The following ANKRD35 variants were observed in gnomAD, a reference collection of about 807,000 sequenced individuals.
ANKRD35 encodes the protein ankyrin repeat domain 35.
Under a neutral mutation model 109.9 loss-of-function variants are expected in ANKRD35, and 102 were observed. The observed-to-expected ratio is 0.93, with a 90% CI of 0.79 to 1.09. The LOEUF (loss-of-function observed/expected upper bound fraction) is 1.09, where lower values mean the gene tolerates loss of function less well. Among genes scored for constraint, ANKRD35 ranks in the 50% least tolerant of loss-of-function variants. ANKRD35 has a pLI of 0.00. For synonymous variants in ANKRD35, 515 were observed against 512.4 expected, an observed-to-expected ratio of 1.01 and a Z score of -0.07; for missense variants, 1,240 against 1,230.1, an observed-to-expected ratio of 1.01 and a Z score of -0.12.
chr1:145,872,480 CG>C lies in ANKRD35; in HGVS notation c.2288del (p.Pro763ArgfsTer9), dbSNP rs1653869045. ...TTAAGGAGGTGCCTGGCTCCCTACA[CG>C]GGGACAAGGACCCCCGCAACTGCTG... ...ENQQLRGSLSPCREPGTSLKA... is the reference protein window; with the variant it reads ...ENQQLRGSLSXCREPGTSLKA... On this transcript the variant is annotated frameshift_variant, in exon 10 of 14. Transcript: ENST00000355594. LOFTEE classifies it high-confidence loss of function. The C allele has an allele frequency of 6.3e-7, 1 of 1,596,716 alleles. No individual in the cohort carries two copies. Among genetic ancestry groups the C allele is most frequent in the Admixed American group, 1.8e-5 (1 of 56,048 alleles).
chr1:145,880,832 A>C (rs1419048271), intron 1 of ANKRD35, among the ~76,000 whole-genome samples: 1 of 152,232 alleles, frequency 6.6e-6, no homozygotes, highest in African/African-American at 2.4e-5. Context: ...AGAAGTTGTA[A>C]CTTCTCACAG....
chr1:145,872,664 C>G lies in ANKRD35; in HGVS notation c.2105G>C (p.Arg702Pro). 1 of 1,614,112 alleles carries G rather than the reference C, an allele frequency of 6.2e-7. No individual in the cohort carries two copies. The highest frequency in any genetic ancestry group is 8.5e-7 in the Non-Finnish European group (1 of 1,180,006). The change falls in exon 10 of 14, where the codon CGA becomes CCA. Residue 702 changes from arginine to proline, a missense_variant. Physicochemically the swap from Arg to Pro is moderately radical, Grantham distance 103. Transcript: ENST00000355594. ...TGCGGGCAGGCAGTCCCACAGCCCT[C>G]GGAGACCGCTGCTCTGGGAGGCCAG... ...KLLASQSSGL[R>P]GLWDCLPADL... is the part of the protein sequence containing the mutation.
chr1:145,883,614 G>T (rs997302936), intron 1 of ANKRD35, among the ~76,000 whole-genome samples: 4 of 152,218 alleles, frequency 2.6e-5, no homozygotes, highest in African/African-American at 9.6e-5. Flanking sequence ...GACAGTGCAG[G>T]GCTCTGGCCC....
At position 145,873,670 on chromosome 1, in the gene ANKRD35, C is replaced by A. The variant is rs782334253; in HGVS notation, c.1099G>T (p.Asp367Tyr). The A allele has an allele frequency of 6.2e-7, 1 of 1,614,028 alleles. No individual in the cohort carries two copies. Among genetic ancestry groups the A allele is most frequent in the African/African-American group, 1.3e-5 (1 of 74,930 alleles). The change falls in exon 10 of 14, where the codon GAT becomes TAT. Residue 367 changes from aspartate (D) to tyrosine (Y), a missense_variant. Transcript: ENST00000355594. ...TTAGGACAACCCTGCTCCATGCCAT[C>A]CCCTCCAGGCCGGAGACTAGAGCCT... is the stretch of plus-strand genomic sequence containing the variant. The part of the protein sequence containing the change: ...KQGSSLRPGG[D>Y]GMEQGCPKDL...
chr1:145,880,002 G>GC (rs1654229647), intron 1 of ANKRD35, among the ~76,000 whole-genome samples: 2 of 152,096 alleles, frequency 1.3e-5, no homozygotes, highest in Non-Finnish European at 2.9e-5. Flanking sequence ...TCATATCTAG[G>GC]CCCTTTGGCG....
In ANKRD35 at chr1:145,872,101, CG is replaced by C. The variant is rs1559172373; in HGVS notation, c.2667del (p.Glu890AsnfsTer23). Reference sequence around the variant, plus strand: ...ATCTCGCTGGCCTGGCGCTCTTGTTCGGCTGCCTGAGCGGCCAGGTCCCCGC... The same window carrying C: ...ATCTCGCTGGCCTGGCGCTCTTGTTCGCTGCCTGAGCGGCCAGGTCCCCGC... ...RRSGDLAAQA[A>X]EQERQASEMR... is the part of the protein sequence containing the mutation. On this transcript the variant is annotated frameshift_variant, in exon 10 of 14. Coordinates refer to ENST00000355594, the MANE Select transcript of ANKRD35 (RefSeq NM_144698.5). LOFTEE classifies it high-confidence loss of function. 1 of 1,612,942 alleles carries C rather than the reference CG, an allele frequency of 6.2e-7. No individual in the cohort carries two copies. The highest frequency in any genetic ancestry group is 1.7e-5 in the Admixed American group (1 of 59,958).
chr1:145,883,076 A>ATTTTT (rs34686883), intron 1 of ANKRD35, among the ~76,000 whole-genome samples: 7 of 83,424 alleles, frequency 8.4e-5, no homozygotes, highest in Non-Finnish European at 1.2e-4. Context: ...GACAGTACCA[A>ATTTTT]TTTTTTTTTT....
Position 145,871,153 on chromosome 1 carries a change from C to CTTT in ANKRD35, c.2787+826_2787+828dup, listed in dbSNP as rs59433424. 1.2e-3 allele frequency among the ~76,000 whole-genome samples: 93 copies of CTTT among 78,100 alleles called. 10 individuals carry two copies. The highest frequency in any genetic ancestry group is 1.9e-3 in the Non-Finnish European group (75 of 38,934). The allele number at this position is 78,100 out of a possible 152,430, so 51.2% of individuals were successfully genotyped here. The stretch of plus-strand genomic sequence containing the variant: ...TCTTTCTTTCTTTCTTTTCTTTTTT[C>CTTT]TTTTTTTTTTTTTTTTTTTTTTTTT... On this transcript the variant is annotated intron_variant, in intron 10 of 13. Transcript: ENST00000355594.
chr1:145,874,702 G>A (rs587736383), intron 8 of ANKRD35, 120 bp downstream of exon 8: 25 of 1,243,936 alleles, frequency 2.0e-5, no homozygotes, highest in East Asian at 1.6e-4. Context: ...CAATAAATAC[G>A]TAAACTCTCA....
chr1:145,872,578 C>G lies in ANKRD35; in HGVS notation c.2191G>C (p.Ala731Pro), dbSNP rs146166584. 1 of 1,611,914 alleles carries G rather than the reference C, an allele frequency of 6.2e-7. No homozygotes were observed. The highest frequency in any genetic ancestry group is 1.1e-5 in the South Asian group (1 of 90,834). The change falls in exon 10 of 14, where the codon GCC (alanine) becomes CCC (proline). Residue 731 changes from alanine (A) to proline (P), a missense_variant. Coordinates refer to ENST00000355594, the MANE Select transcript of ANKRD35 (RefSeq NM_144698.5). The stretch of plus-strand genomic sequence containing the variant: ...CGATCCACCAGGGTGCTGATGCAGG[C>G]CCGCAGCTCCTCCAGGGACTCCGCT... Reference protein sequence around the residue: ...KAAESLEELRACISTLVDRHR... With the variant: ...KAAESLEELRPCISTLVDRHR...
intron 1 of ANKRD35, among the ~76,000 whole-genome samples, chr1:145,881,616 G>A (rs1271049736): frequency 6.6e-6 from 1 of 152,196 alleles, no homozygotes; most frequent in Non-Finnish European, 1.5e-5. Flanking sequence ...CCACGACAGG[G>A]TGCTGCCATC....
Position 145,874,212 on chromosome 1 carries a change from G to A in ANKRD35, c.746-20C>T. 6.2e-7 allele frequency: 1 copy of A among 1,613,258 alleles called. No homozygotes were observed. The highest frequency in any genetic ancestry group is 8.5e-7 in the Non-Finnish European group (1 of 1,179,262). ...TCTGACCTATAAGAAAAGATATGAG[G>A]AAAATGAGAGAGAAGACAGGTTCCA... On this transcript the variant is annotated intron_variant, in intron 8 of 13. Transcript: ENST00000355594.
rs1653936153 is a variant in ANKRD35, at chr1:145,873,553, C to T, written c.1216G>A (p.Asp406Asn). 8.7e-6 allele frequency: 14 copies of T among 1,614,136 alleles called. No individual in the cohort carries two copies. The highest frequency in any genetic ancestry group is 1.2e-5 in the Non-Finnish European group (14 of 1,180,032). The change falls in exon 10 of 14, where the codon GAC becomes AAC. Residue 406 changes from aspartate (D) to asparagine (N), a missense_variant. By Grantham distance (23) the Asp-to-Asn change is conservative (BLOSUM62 1). Transcript: ENST00000355594. Reference protein sequence around the residue: ...NPVLAPKKAEDSAPGKIQYEV... With the variant: ...NPVLAPKKAENSAPGKIQYEV... ...TACTGGATCTTTCCTGGGGCTGAGT[C>T]CTCAGCCTTCTTTGGAGCTAATACT... is the stretch of plus-strand genomic sequence containing the variant.
intron 1 of ANKRD35, 28 bp from the exon 2 acceptor site, chr1:145,879,416 T>C (rs782406600): frequency 2.9e-5 from 44 of 1,502,696 alleles, no homozygotes; most frequent in Non-Finnish European, 3.8e-5. Context: ...GTTGTGTGAA[T>C]ATAGGGCATG....
At chr1:145,878,157 G>T (rs1347519600) in intron 3 of ANKRD35, 125 bp from the exon 4 acceptor site, 12 of 1,037,698 alleles carry the variant, frequency 1.2e-5, no homozygotes, top group Non-Finnish European at 1.6e-5. Flanking sequence ...CAGCCACACG[G>T]GGCCAGAAAT....
chr1:145,880,375 G>A (rs919213932), intron 1 of ANKRD35, among the ~76,000 whole-genome samples: 5 of 152,182 alleles, frequency 3.3e-5, no homozygotes, highest in Non-Finnish European at 7.3e-5. Flanking sequence ...CAAATATTTC[G>A]CTGGCTGGCC....
chr1:145,871,869 G>A, intron 10 of ANKRD35, 113 bp downstream of exon 10: 1 of 1,329,518 alleles, frequency 7.5e-7, no homozygotes, highest in Admixed American at 2.2e-5. Context: ...TGCTCCGTTT[G>A]GGGTATTAAT....
At chr1:145,879,825 CT>C (rs1211424366) in intron 1 of ANKRD35, among the ~76,000 whole-genome samples, 1 of 152,166 alleles carries the variant, frequency 6.6e-6, no homozygotes, top group African/African-American at 2.4e-5. Context: ...GCCTCCACCC[CT>C]GAAACCCTGC....
In ANKRD35 at chr1:145,873,255, T is replaced by G; in HGVS notation, c.1514A>C (p.Glu505Ala). 6.2e-7 allele frequency: 1 copy of G among 1,614,130 alleles called. No homozygotes were observed. The highest frequency in any genetic ancestry group is 8.5e-7 in the Non-Finnish European group (1 of 1,179,998). ...CAAAGCCCCCCGGGCAGCATCCTTT[T>G]CTCGCCACACTGCAGCAAGCTCCTC... ...LREELAAVWREKDAARGALSR... is the reference protein window; with the variant it reads ...LREELAAVWRAKDAARGALSR... Residue 505 changes from glutamate to alanine, a missense_variant, in exon 10 of 14, where the codon GAA becomes GCA. By Grantham distance (107) the Glu-to-Ala change is moderately radical. Coordinates refer to ENST00000355594, the MANE Select transcript of ANKRD35 (RefSeq NM_144698.5).
Sources: allele counts gnomAD v4.1 joint callset (sites outside exome capture counted in the v4.1 genomes callset), GRCh38; gene constraint gnomAD v4.1.1; transcripts MANE v1.5; gene names NCBI Gene and HGNC (gene_info 2026-07-23, HGNC 2026-07-21).